PGLYRP4: variants seen among roughly 807,000 people sequenced by gnomAD.
PGLYRP4 encodes the protein peptidoglycan recognition protein 4, also known as PGRP-I-beta.
PGLYRP4 carries 39 observed loss-of-function variants against 41.2 expected under a neutral mutation model. The observed-to-expected ratio is 0.95, with a 90% CI of 0.73 to 1.24. PGLYRP4 has a LOEUF of 1.24. PGLYRP4 is among the 50% of genes most tolerant of loss of function. The pLI is 0.00. For missense variants in PGLYRP4, 467 were observed against 460.7 expected, an observed-to-expected ratio of 1.01 and a Z score of -0.13; for synonymous variants, 202 against 186.8, an observed-to-expected ratio of 1.08 and a Z score of -0.66.
At position 153,340,672 on chromosome 1, in the gene PGLYRP4, A is replaced by G. The variant is rs1660762309; in HGVS notation, c.626-93T>C. On this transcript the variant is annotated intron_variant, in intron 6 of 8. Coordinates refer to ENST00000359650, the MANE Select transcript of PGLYRP4 (RefSeq NM_020393.4). ...GGCTGATATAATGCTCAGGACCCTC[A>G]ACTTCCCAAACCCCTCTGGGTCTCC... is the stretch of plus-strand genomic sequence containing the variant. 8 of 1,262,814 alleles carry G rather than the reference A, an allele frequency of 6.3e-6. No individual in the cohort carries two copies. The South Asian group carries it at 1.1e-4, about 18-fold the overall frequency. 78.2% of individuals were successfully genotyped at this position (1,262,814 alleles called of 1,614,324 possible). A position where few individuals can be genotyped will look rare whatever the true frequency, so the allele number is the denominator to read the frequency against.
At chr1:153,337,158 T>TA (rs1660601601) in intron 8 of PGLYRP4, 23 bp downstream of exon 8, 1 of 1,458,890 alleles carries the variant, frequency 6.9e-7, no homozygotes, top group African/African-American at 1.4e-5. Flanking sequence ...GCAATGACCC[T>TA]ACTGACCAAA....
chr1:153,334,279 G>T (rs929700772), intron 8 of PGLYRP4, among the ~76,000 whole-genome samples: 2 of 150,848 alleles, frequency 1.3e-5, no homozygotes, highest in African/African-American at 4.9e-5. Flanking sequence ...ACCAAATCAA[G>T]AACTCAATTC....
At chr1:153,347,763 G>C in intron 2 of PGLYRP4, 121 bp downstream of exon 2, 1 of 726,764 alleles carries the variant, frequency 1.4e-6, no homozygotes, top group East Asian at 2.8e-5. Context: ...GTGGGATCTC[G>C]GCTCACTGCA....
chr1:153,343,097 A>C lies in PGLYRP4; in HGVS notation c.465T>G (p.Thr155=). The change falls in exon 5 of 9, where the codon ACT becomes ACG. Residue 155 remains threonine (T), a synonymous_variant. Transcript: ENST00000359650. ...NISLGFAFFG[T]KKGHSPSPAA... is the part of the protein sequence containing the mutation. ...AGCTGTGATAACTGTTACCTTTCTT[A>C]GTGCCAAAGAAGGCAAAGCCCAGGG... 1 of 1,592,590 alleles carries C rather than the reference A, an allele frequency of 6.3e-7. No homozygotes were observed. The highest frequency in any genetic ancestry group is 1.3e-5 in the African/African-American group (1 of 74,576).
chr1:153,334,482 A>G (rs1422603678), intron 8 of PGLYRP4, among the ~76,000 whole-genome samples: 1 of 134,568 alleles, frequency 7.4e-6, no homozygotes, highest in Non-Finnish European at 1.6e-5. Context: ...ATATATTTAT[A>G]TATATATACA....
At chr1:153,340,688 C>T (rs1407873022) in intron 6 of PGLYRP4, 109 bp from the exon 7 acceptor site, 2 of 1,096,356 alleles carry the variant, frequency 1.8e-6, no homozygotes, top group African/African-American at 3.1e-5. Context: ...CCAAACCCCT[C>T]TGGGTCTCCC....
chr1:153,331,450 C>T (rs1660332806), intron 8 of PGLYRP4, among the ~76,000 whole-genome samples: 1 of 152,158 alleles, frequency 6.6e-6, no homozygotes, highest in Non-Finnish European at 1.5e-5. Flanking sequence ...ATGTCTAGCT[C>T]AATGCTCAGC....
At position 153,341,620 on chromosome 1, in the gene PGLYRP4, G is replaced by C; in HGVS notation, c.625+7C>G. The C allele has an allele frequency of 6.2e-7, 1 of 1,609,582 alleles. No individual in the cohort carries two copies. The highest frequency in any genetic ancestry group is 8.5e-7 in the Non-Finnish European group (1 of 1,178,224). ...GCAGGCCCAGTAGGGCTGAAGAAAG[G>C]TCTTACCCTTCTTCAGGCTTGTCTT... On this transcript the variant is annotated splice_region_variant and intron_variant, in intron 6 of 8. Transcript: ENST00000359650.
intron 4 of PGLYRP4, 84 bp from the exon 5 acceptor site, chr1:153,343,292 G>T: frequency 1.2e-6 from 1 of 867,878 alleles, no homozygotes; most frequent in Non-Finnish European, 1.9e-6. Flanking sequence ...GCCTCAAAAT[G>T]GAGAAGGACT....
rs373413616 is a variant in PGLYRP4 at position 153,340,425 on chromosome 1, C to A, written c.780G>T (p.Gln260His). Residue 260 changes from glutamine (Q) to histidine (H), a missense_variant, in exon 7 of 9, where the codon CAG becomes CAT. Gln to His is a conservative substitution (Grantham distance 24). Transcript: ENST00000359650. ...DECRLLVRDI[Q>H]SFYIDRLKSC... is the part of the protein sequence containing the mutation. ...ACTTGAGCCTGTCTATGTAGAAAGA[C>A]TGGATGTCCCGGACCAGCAGGCGGC... 3.2e-5 allele frequency: 51 copies of A among 1,614,086 alleles called. No homozygotes were observed. The highest frequency in any genetic ancestry group is 5.0e-5 in the Admixed American group (3 of 60,010).
intron 3 of PGLYRP4, 134 bp from the exon 4 acceptor site, chr1:153,345,516 A>T: frequency 1.4e-6 from 1 of 690,452 alleles, no homozygotes; most frequent in Admixed American, 2.3e-5. Flanking sequence ...TGCCCTGCCC[A>T]CCTCTACATA....
intron 8 of PGLYRP4, 127 bp from the exon 9 acceptor site, chr1:153,331,072 G>A: frequency 4.5e-6 from 3 of 672,062 alleles, no homozygotes; most frequent in South Asian, 3.5e-5. Flanking sequence ...CTAGAGACAG[G>A]CAAAAAAAAC....
At chr1:153,336,801 CTG>C (rs1660587259) in intron 8 of PGLYRP4, among the ~76,000 whole-genome samples, 1 of 152,188 alleles carries the variant, frequency 6.6e-6, no homozygotes, top group African/African-American at 2.4e-5. Flanking sequence ...AGTGCAAAGA[CTG>C]GGGCTCACTG....
rs1661087192 is a variant in PGLYRP4 at position 153,347,972 on chromosome 1, T to C, written c.-40A>G. 1 of 1,556,910 alleles carries C rather than the reference T, an allele frequency of 6.4e-7. No homozygotes were observed. The highest frequency in any genetic ancestry group is 1.1e-5 in the South Asian group (1 of 89,340). ...AGGACACCAATCTGGAGAGTGTGGA[T>C]GGCAGCCTGAGAGAGACGCTGACAG... On this transcript the variant is annotated 5_prime_UTR_variant, in exon 2 of 9. Coordinates refer to ENST00000359650, the MANE Select transcript of PGLYRP4 (RefSeq NM_020393.4).
rs200994920 is a variant in PGLYRP4 at position 153,341,639 on chromosome 1, T to A, written c.613A>T (p.Ser205Cys). The A allele has an allele frequency of 5.0e-5, 80 of 1,612,420 alleles. No individual in the cohort carries two copies. The African/African-American group carries it at 9.3e-4, about 19-fold the overall frequency. Residue 205 changes from serine (S) to cysteine (C), a missense_variant, in exon 6 of 9, where the codon AGC becomes TGC. Physicochemically the swap from Ser to Cys is moderately radical, Grantham distance 112. Transcript: ENST00000359650. ...AGAAAGGTCTTACCCTTCTTCAGGCTTGTCTTCTGCCGAGGGGCCAGGCAG... is the reference window on the plus strand; with the variant it reads ...AGAAAGGTCTTACCCTTCTTCAGGCATGTCTTCTGCCGAGGGGCCAGGCAG... ...ENCLAPRQKTSLKKACPGVVP... is the reference protein window; with the variant it reads ...ENCLAPRQKTCLKKACPGVVP...
intron 5 of PGLYRP4, among the ~76,000 whole-genome samples, chr1:153,342,388 G>A (rs1225820393): frequency 6.6e-6 from 1 of 152,176 alleles, no homozygotes; most frequent in African/African-American, 2.4e-5. Flanking sequence ...TGTCACTTGG[G>A]GTCATCGACC....
intron 8 of PGLYRP4, among the ~76,000 whole-genome samples, chr1:153,335,098 G>A (rs1359750411): frequency 6.6e-6 from 1 of 152,084 alleles, no homozygotes; most frequent in Non-Finnish European, 1.5e-5. Flanking sequence ...AATCTTAGAA[G>A]AAAACCCAGG....
At chr1:153,333,792 T>A (rs1463740410) in intron 8 of PGLYRP4, among the ~76,000 whole-genome samples, 4 of 152,186 alleles carry the variant, frequency 2.6e-5, no homozygotes, top group African/African-American at 9.6e-5. Context: ...ATTCACCACA[T>A]AAGCAGAATT....
At position 153,345,030 on chromosome 1, in the gene PGLYRP4, G is replaced by A. The variant is rs115860331; in HGVS notation, c.353+139C>T. On this transcript the variant is annotated intron_variant, in intron 4 of 8. Transcript: ENST00000359650. The stretch of plus-strand genomic sequence containing the variant: ...TCCAAAGGATTGGGAGTTTCATGGG[G>A]GTTTTAAATATTTTATTCATTATAA... 667 of 655,396 alleles carry A rather than the reference G, an allele frequency of 1.0e-3. 7 individuals are homozygous for A. The highest frequency in any genetic ancestry group is 9.6e-3 in the African/African-American group (527 of 54,958). 40.6% of individuals were successfully genotyped at this position (655,396 alleles called of 1,614,324 possible).
Sources: allele counts gnomAD v4.1 joint callset (sites outside exome capture counted in the v4.1 genomes callset), GRCh38; gene constraint gnomAD v4.1.1; transcripts MANE v1.5; gene names NCBI Gene and HGNC (gene_info 2026-07-23, HGNC 2026-07-21).